The following BPI variants were observed in gnomAD, a reference collection of about 807,000 sequenced individuals.
BPI encodes bactericidal permeability increasing protein.
In BPI, 48 loss-of-function variants were observed where a neutral mutation model predicts 57.6. The observed-to-expected ratio is 0.83, with a 90% CI of 0.66 to 1.06. The LOEUF (loss-of-function observed/expected upper bound fraction) is 1.06. BPI is among the 50% of genes least tolerant of loss of function. The pLI is 0.00. For synonymous variants in BPI, 237 were observed against 238.2 expected (o/e 0.99, Z 0.05); for missense variants, 651 against 609.7 (o/e 1.07, Z -0.71).
intron 14 of BPI, among the ~76,000 whole-genome samples, chr20:38,336,350 G>A (rs1443707585): frequency 1.3e-5 from 2 of 152,094 alleles, no homozygotes; most frequent in African/African-American, 2.4e-5. Flanking sequence ...TGCCACCTGC[G>A]TGCCACCCAA....
Position 38,327,668 on chromosome 20 carries a change from G to C in BPI, c.1229+13G>C. 1.2e-6 allele frequency: 2 copies of C among 1,613,248 alleles called. No homozygotes were observed. Among genetic ancestry groups the C allele is most frequent in the South Asian group, 2.2e-5 (2 of 91,064 alleles). The stretch of plus-strand genomic sequence containing the variant: ...TCAAGCTGGATAGGTAAGTGGGCCT[G>C]TGAGAGGAGGAGGGGGCTGCCCCTC... On this transcript the variant is annotated intron_variant, in intron 11 of 14. Transcript: ENST00000642449.
chr20:38,318,008 A>G, intron 5 of BPI: 2 of 985,334 alleles, frequency 2.0e-6, no homozygotes, highest in Non-Finnish European at 2.4e-6. Context: ...AAGCCCAGGT[A>G]AGGGAAGGCT....
chr20:38,312,489 C>A (rs1483583365), intron 5 of BPI, among the ~76,000 whole-genome samples: 1 of 152,248 alleles, frequency 6.6e-6, no homozygotes, highest in Non-Finnish European at 1.5e-5. Context: ...TGAGGCCATT[C>A]ATTTGGCTGG....
chr20:38,308,428 A>C (rs954535994), intron 2 of BPI, among the ~76,000 whole-genome samples: 4 of 152,196 alleles, frequency 2.6e-5, no homozygotes, highest in African/African-American at 9.6e-5. Flanking sequence ...CTGGGCAGAA[A>C]ACCCATAAAA....
chr20:38,328,807 G>T (rs1053040793), intron 11 of BPI, among the ~76,000 whole-genome samples: 2 of 151,438 alleles, frequency 1.3e-5, no homozygotes, highest in Admixed American at 6.6e-5. Context: ...GACTAGCTGG[G>T]GCAACATAGT....
chr20:38,313,448 G>A (rs1440243008), intron 5 of BPI, among the ~76,000 whole-genome samples: 1 of 149,560 alleles, frequency 6.7e-6, no homozygotes, highest in Admixed American at 6.7e-5. Flanking sequence ...CTTCACCAAG[G>A]CACTGTAAGG....
chr20:38,311,346 C>T (rs550276266), intron 4 of BPI, among the ~76,000 whole-genome samples: 1 of 152,292 alleles, frequency 6.6e-6, no homozygotes, highest in East Asian at 1.9e-4. Flanking sequence ...ATGAATGGCC[C>T]ACACAGAATT....
intron 8 of BPI, 84 bp from the exon 9 acceptor site, chr20:38,324,690 C>A: frequency 1.8e-6 from 2 of 1,124,380 alleles, no homozygotes; most frequent in Non-Finnish European, 2.7e-6. Context: ...GTGCAGTCAG[C>A]CTCTCACCCC....
In BPI at chr20:38,326,450, T is replaced by G. The variant is rs760847172; in HGVS notation, c.1161+18T>G. 6.2e-7 allele frequency: 1 copy of G among 1,607,646 alleles called. No homozygotes were observed. Among genetic ancestry groups the G allele is most frequent in the Non-Finnish European group, 8.5e-7 (1 of 1,176,782 alleles). The stretch of plus-strand genomic sequence containing the variant: ...TTGGCATGGTAAGCAGTTCCTGGGT[T>G]GGACAGATGAGGAGCCCCAGACAGT... On this transcript the variant is annotated intron_variant, in intron 10 of 14. Coordinates refer to ENST00000642449, the MANE Select transcript of BPI (RefSeq NM_001725.3).
At chr20:38,329,289 G>A (rs918662221) in intron 11 of BPI, among the ~76,000 whole-genome samples, 12 of 152,226 alleles carry the variant, frequency 7.9e-5, no homozygotes, top group East Asian at 1.9e-4. Context: ...CCTGGCACCC[G>A]CCTCTTCAGC....
chr20:38,333,195 G>A (rs1390410208), intron 12 of BPI, among the ~76,000 whole-genome samples: 2 of 152,072 alleles, frequency 1.3e-5, no homozygotes, highest in Admixed American at 6.5e-5. Flanking sequence ...TGGTTCCAAG[G>A]CTTTCTTGGT....
chr20:38,308,883 C>A (rs763939187), intron 2 of BPI, 47 bp from the exon 3 acceptor site: 62 of 1,611,522 alleles, frequency 3.8e-5, no homozygotes, highest in Non-Finnish European at 5.2e-5. Flanking sequence ...CATGTGTGCA[C>A]CTAGGAGTAT....
chr20:38,308,109 G>A (rs1489244599), intron 2 of BPI, among the ~76,000 whole-genome samples: 6 of 152,146 alleles, frequency 3.9e-5, no homozygotes, highest in South Asian at 2.1e-4. Flanking sequence ...GGCCTAATTC[G>A]CAGGCAGTGT....
Position 38,326,362 on chromosome 20 carries a change from C to T in BPI, c.1091C>T (p.Pro364Leu), listed in dbSNP as rs1474511710. Residue 364 changes from proline (P) to leucine (L), a missense_variant, in exon 10 of 15, where the codon CCT becomes CTT. Physicochemically the swap from Pro to Leu is moderately conservative, Grantham distance 98 (BLOSUM62 -3). Transcript: ENST00000642449. The part of the protein sequence containing the change: ...SVQPTGLTFY[P>L]AVDVQAFAVL... ...CAGCCCACCGGCCTTACCTTCTACC[C>T]TGCCGTGGATGTCCAGGCCTTTGCC... The T allele has an allele frequency of 2.5e-6, 4 of 1,614,086 alleles. No homozygotes were observed. The African/African-American group carries it at 4.0e-5, about 16-fold the overall frequency.
intron 12 of BPI, 80 bp downstream of exon 12, chr20:38,331,170 T>C: frequency 3.4e-6 from 5 of 1,483,256 alleles, no homozygotes; most frequent in Non-Finnish European, 4.7e-6. Context: ...GCTCAAGGCA[T>C]TATTTAAGAG....
rs2076763547 is a variant in BPI, at chr20:38,335,610, A to C, written c.1349A>C (p.Lys450Thr). ...GTCTCTGTCACAGAGAAACTACAGA[A>C]AGGCTTCCCTCTCCCGACGCCGGCC... The part of the protein sequence containing the change: ...VLPRVNEKLQ[K>T]GFPLPTPARV... The change falls in exon 14 of 15, where the codon AAA (lysine) becomes ACA (threonine). Residue 450 changes from lysine (K) to threonine (T), a missense_variant. Coordinates refer to ENST00000642449, the MANE Select transcript of BPI (RefSeq NM_001725.3). 1 of 1,613,928 alleles carries C rather than the reference A, an allele frequency of 6.2e-7. No individual in the cohort carries two copies.
chr20:38,317,718 GA>G, intron 5 of BPI: 1 of 1,039,692 alleles, frequency 9.6e-7, no homozygotes, highest in South Asian at 1.4e-5. Context: ...CATTACAGAA[GA>G]GCAAATGGAA....
intron 8 of BPI, among the ~76,000 whole-genome samples, chr20:38,324,489 C>T (rs112502995): frequency 6.6e-6 from 1 of 152,144 alleles, no homozygotes; most frequent in Non-Finnish European, 1.5e-5. Context: ...GGAAATGGGG[C>T]ATCCTATGAG....
At chr20:38,309,719 G>C (rs6064367) in intron 3 of BPI, among the ~76,000 whole-genome samples, 80,152 of 152,014 alleles carry the variant, frequency 0.53, 21,619 homozygotes, top group South Asian at 0.63. Context: ...AAAAATAGGG[G>C]CAAATAACCC....
Sources: gnomAD v4.1 joint callset for allele counts (sites outside exome capture counted in the v4.1 genomes callset) on GRCh38, gnomAD v4.1.1 for gene constraint, MANE v1.5 for transcripts, NCBI Gene and HGNC (gene_info 2026-07-23, HGNC 2026-07-21) for gene names.